PHACTR1: variants seen among roughly 807,000 people sequenced by gnomAD.
PHACTR1 encodes the protein phosphatase and actin regulator 1, also known as RPEL repeat containing 1.
Under a neutral mutation model 69.2 loss-of-function variants are expected in PHACTR1, and 16 were observed. That is an observed-to-expected ratio of 0.23 (90% CI 0.16 to 0.35). The LOEUF is 0.35. PHACTR1 is among the 10% of genes least tolerant of loss of function. The pLI, the probability that PHACTR1 is intolerant of heterozygous loss-of-function variation, is 1.00. For synonymous variants in PHACTR1, 312 were observed against 284.5 expected (o/e 1.10, Z -0.97); for missense variants, 510 against 734.7 (o/e 0.69, Z 3.54).
chr6:13,260,806 A>G (rs537867309), intron 10 of PHACTR1, among the ~76,000 whole-genome samples: 1 of 152,338 alleles, frequency 6.6e-6, no homozygotes, highest in East Asian at 1.9e-4. Context: ...AGTCAAAGGT[A>G]TCATATAATA....
At chr6:12,759,442 C>CA (rs5874377) in intron 4 of PHACTR1, among the ~76,000 whole-genome samples, 54,286 of 132,352 alleles carry the variant, frequency 0.41, 10,652 homozygotes, top group African/African-American at 0.54. Context: ...AAGGCATTTG[C>CA]AAAAAAAAAA....
At chr6:12,818,258 T>G (rs1457583704) in intron 4 of PHACTR1, among the ~76,000 whole-genome samples, 1 of 152,204 alleles carries the variant, frequency 6.6e-6, no homozygotes, top group Non-Finnish European at 1.5e-5. Flanking sequence ...GTTCTTCCAG[T>G]CTAGGACAGT....
At chr6:13,043,463 G>T (rs1804519862) in intron 4 of PHACTR1, among the ~76,000 whole-genome samples, 1 of 152,082 alleles carries the variant, frequency 6.6e-6, no homozygotes, top group Non-Finnish European at 1.5e-5. Flanking sequence ...CGCTGGGGAG[G>T]CTGAAAGATT....
At chr6:12,752,965 T>C (rs1185190874) in intron 4 of PHACTR1, among the ~76,000 whole-genome samples, 1 of 152,218 alleles carries the variant, frequency 6.6e-6, no homozygotes, top group Admixed American at 6.5e-5. Context: ...CTGTTCAGCA[T>C]TTAGTAGACA....
chr6:13,136,275 C>T (rs1008092200), intron 5 of PHACTR1, among the ~76,000 whole-genome samples: 6 of 152,164 alleles, frequency 3.9e-5, no homozygotes, highest in Non-Finnish European at 8.8e-5. Context: ...GCTTCTCCAT[C>T]AGCACTTGCA....
intron 5 of PHACTR1, among the ~76,000 whole-genome samples, chr6:13,084,042 A>G (rs960268607): frequency 2.0e-5 from 3 of 152,156 alleles, no homozygotes; most frequent in Admixed American, 2.0e-4. Flanking sequence ...CCAAAGGATT[A>G]TAAATCATGC....
chr6:13,207,789 T>C (rs1354599447), intron 8 of PHACTR1, among the ~76,000 whole-genome samples: 1 of 152,092 alleles, frequency 6.6e-6, no homozygotes, highest in Non-Finnish European at 1.5e-5. Context: ...CTGCTGGTCA[T>C]TGGGTCCTAC....
chr6:13,038,161 T>C (rs1239583866), intron 4 of PHACTR1, among the ~76,000 whole-genome samples: 1 of 152,136 alleles, frequency 6.6e-6, no homozygotes, highest in Non-Finnish European at 1.5e-5. Context: ...CAATAACCCA[T>C]GAAGCAGATG....
intron 4 of PHACTR1, chr6:12,933,597 C>G: frequency 6.2e-7 from 1 of 1,607,702 alleles, no homozygotes; most frequent in Non-Finnish European, 8.5e-7. Context: ...GACCTGGGCT[C>G]ACACCTTAAT....
At chr6:12,915,232 G>A (rs1466621949) in intron 4 of PHACTR1, among the ~76,000 whole-genome samples, 2 of 152,138 alleles carry the variant, frequency 1.3e-5, no homozygotes, top group Admixed American at 6.5e-5. Context: ...GGAGCCAGGG[G>A]CAGTGGCTCA....
intron 4 of PHACTR1, among the ~76,000 whole-genome samples, chr6:12,874,821 C>T (rs933298113): frequency 3.9e-5 from 6 of 152,148 alleles, no homozygotes; most frequent in Admixed American, 6.5e-5. Flanking sequence ...AATAAGAAAA[C>T]GCACCTGAAT....
At chr6:12,755,313 T>C (rs1295810989) in intron 4 of PHACTR1, among the ~76,000 whole-genome samples, 1 of 152,192 alleles carries the variant, frequency 6.6e-6, no homozygotes, top group African/African-American at 2.4e-5. Flanking sequence ...CCTAAGACCA[T>C]GGGCAAGCCA....
At chr6:12,869,582 CA>C (rs746645584) in intron 4 of PHACTR1, among the ~76,000 whole-genome samples, 5 of 152,282 alleles carry the variant, frequency 3.3e-5, no homozygotes, top group Non-Finnish European at 7.4e-5. Context: ...CTTGACACTC[CA>C]ACTAAACTGG....
At chr6:13,095,601 C>T (rs1814067233) in intron 5 of PHACTR1, among the ~76,000 whole-genome samples, 1 of 152,112 alleles carries the variant, frequency 6.6e-6, no homozygotes, top group Non-Finnish European at 1.5e-5. Flanking sequence ...AATAGGCAGA[C>T]TCAAAACATA....
chr6:12,808,325 G>A (rs1774591620), intron 4 of PHACTR1, among the ~76,000 whole-genome samples: 1 of 152,114 alleles, frequency 6.6e-6, no homozygotes, highest in African/African-American at 2.4e-5. Flanking sequence ...ACTTAGTGGA[G>A]AATAAATTTT....
chr6:12,941,261 G>A (rs141719476), intron 4 of PHACTR1, among the ~76,000 whole-genome samples: 15 of 152,236 alleles, frequency 9.9e-5, no homozygotes, highest in East Asian at 3.9e-4. Context: ...CCTCAGAGTC[G>A]TAGCAAATTA....
At chr6:12,857,351 C>G (rs2127419005) in intron 4 of PHACTR1, among the ~76,000 whole-genome samples, 1 of 152,224 alleles carries the variant, frequency 6.6e-6, no homozygotes, top group Non-Finnish European at 1.5e-5. Flanking sequence ...GTGGTTCATG[C>G]CTGTAGTCCC....
At chr6:12,860,510 C>A (rs957944493) in intron 4 of PHACTR1, among the ~76,000 whole-genome samples, 3 of 151,964 alleles carry the variant, frequency 2.0e-5, no homozygotes, top group Non-Finnish European at 4.4e-5. Flanking sequence ...GGGTATATAC[C>A]CAGTAATGGA....
At chr6:12,743,284 C>T (rs1450876676) in intron 3 of PHACTR1, among the ~76,000 whole-genome samples, 2 of 151,960 alleles carry the variant, frequency 1.3e-5, no homozygotes, top group Admixed American at 1.3e-4. Flanking sequence ...TTTCTCTCTC[C>T]AGTCTCCCAC....
Sources: allele counts gnomAD v4.1 joint callset (sites outside exome capture counted in the v4.1 genomes callset), GRCh38; gene constraint gnomAD v4.1.1; transcripts MANE v1.5; gene names NCBI Gene and HGNC (gene_info 2026-07-23, HGNC 2026-07-21).